LHPP: variants seen among roughly 807,000 people sequenced by gnomAD.
LHPP encodes the protein phospholysine phosphohistidine inorganic pyrophosphate phosphatase, also known as hLHPP.
A neutral mutation model predicts 30.3 loss-of-function variants in LHPP; 24 were observed. That is an observed-to-expected ratio of 0.79 (90% confidence interval 0.57 to 1.11). The LOEUF (loss-of-function observed/expected upper bound fraction) is 1.11. Among genes scored for constraint, LHPP ranks in the 50% most tolerant of loss-of-function variants. The pLI is 0.00. For missense variants in LHPP, 356 were observed against 367.2 expected, an observed-to-expected ratio of 0.97 and a Z score of 0.25; for synonymous variants, 150 against 157.1, an observed-to-expected ratio of 0.95 and a Z score of 0.34.
At chr10:124,492,768 ACCTGG>A (rs1169319822) in intron 3 of LHPP, among the ~76,000 whole-genome samples, 4 of 152,204 alleles carry the variant, frequency 2.6e-5, no homozygotes, top group African/African-American at 9.6e-5. Context: ...AAGCCACAGA[ACCTGG>A]CCTCTTAACT....
intron 5 of LHPP, among the ~76,000 whole-genome samples, chr10:124,516,428 G>C (rs1954456350): frequency 6.6e-6 from 1 of 152,198 alleles, no homozygotes; most frequent in South Asian, 2.1e-4. Context: ...TGAATTTGTG[G>C]GGGACACACT....
At chr10:124,469,956 A>T (rs995892689) in intron 1 of LHPP, among the ~76,000 whole-genome samples, 1 of 152,160 alleles carries the variant, frequency 6.6e-6, no homozygotes, top group African/African-American at 2.4e-5. Flanking sequence ...AGCATCCCAG[A>T]TGAAGGAGCA....
At chr10:124,505,847 C>T (rs116541555) in intron 5 of LHPP, among the ~76,000 whole-genome samples, 117 of 152,260 alleles carry the variant, frequency 7.7e-4, no homozygotes, top group African/African-American at 2.7e-3. Flanking sequence ...ATGTGACAGC[C>T]AAGAACCCTC....
intron 6 of LHPP, among the ~76,000 whole-genome samples, chr10:124,579,536 T>C (rs1361828674): frequency 2.0e-5 from 3 of 152,230 alleles, no homozygotes; most frequent in African/African-American, 4.8e-5. Flanking sequence ...TTCCAGTTTT[T>C]TTCATGATCA....
intron 6 of LHPP, among the ~76,000 whole-genome samples, chr10:124,598,236 C>T (rs549539858): frequency 2.6e-5 from 4 of 152,356 alleles, no homozygotes; most frequent in East Asian, 3.9e-4. Flanking sequence ...ATGAGAGGAG[C>T]GTCCCATCAG....
intron 6 of LHPP, among the ~76,000 whole-genome samples, chr10:124,553,679 T>C (rs1288561083): frequency 1.3e-5 from 2 of 152,140 alleles, no homozygotes; most frequent in African/African-American, 4.8e-5. Context: ...CAGGATGGTC[T>C]CGATCTCCTG....
chr10:124,580,865 C>T (rs1442851701), intron 6 of LHPP, among the ~76,000 whole-genome samples: 2 of 152,010 alleles, frequency 1.3e-5, no homozygotes, highest in Non-Finnish European at 2.9e-5. Flanking sequence ...ATTACAGGCA[C>T]CCGCCACCAC....
chr10:124,550,679 T>G (rs1014325594), intron 6 of LHPP, among the ~76,000 whole-genome samples: 1 of 152,174 alleles, frequency 6.6e-6, no homozygotes. Context: ...GCCTTTTCCC[T>G]ACCTTGGCTG....
In LHPP at chr10:124,465,049, A is replaced by C. The variant is rs369711711; in HGVS notation, c.125+3062A>C. On this transcript the variant is annotated intron_variant, in intron 1 of 6. Transcript: ENST00000368842. ...GCACACGGGTAAAGCGCATCATCAC[A>C]GGTAGGCCTAAGGGGTGTGAAGACG... Among the ~76,000 whole-genome samples the C allele has an allele frequency of 1.3e-4, 20 of 152,278 alleles. 1 individual carries two copies. In the East Asian group the frequency reaches 3.1e-3, roughly 24 times the overall value.
intron 6 of LHPP, among the ~76,000 whole-genome samples, chr10:124,584,881 G>T (rs1460236637): frequency 6.8e-6 from 1 of 146,612 alleles, no homozygotes; most frequent in East Asian, 2.0e-4. Flanking sequence ...AGCAACAGTG[G>T]AAAATTCCAC....
intron 6 of LHPP, among the ~76,000 whole-genome samples, chr10:124,568,484 G>A (rs1948529926): frequency 6.6e-6 from 1 of 152,196 alleles, no homozygotes; most frequent in Admixed American, 6.5e-5. Flanking sequence ...CCCCTTTCGA[G>A]TCTGGCTGCT....
intron 6 of LHPP, among the ~76,000 whole-genome samples, chr10:124,597,044 A>T (rs925911388): frequency 6.6e-6 from 1 of 152,124 alleles, no homozygotes; most frequent in Admixed American, 6.5e-5. Context: ...TCTGGCTTTC[A>T]TCCGTCTCCC....
At chr10:124,529,267 C>T (rs1037784698) in intron 6 of LHPP, among the ~76,000 whole-genome samples, 1 of 151,960 alleles carries the variant, frequency 6.6e-6, no homozygotes, top group African/African-American at 2.4e-5. Context: ...AATCTCCTGA[C>T]CTCGTGATCT....
intron 6 of LHPP, among the ~76,000 whole-genome samples, chr10:124,602,227 C>T (rs1200670371): frequency 6.6e-6 from 1 of 152,226 alleles, no homozygotes; most frequent in Non-Finnish European, 1.5e-5. Context: ...CCACTTCTGG[C>T]TGTGACTTTG....
rs1268360233 is a variant in LHPP at position 124,523,183 on chromosome 10, T to A, written c.716+5912T>A. Among the ~76,000 whole-genome samples the A allele has an allele frequency of 6.6e-6, 1 of 152,250 alleles. No individual in the cohort carries two copies. The highest frequency in any genetic ancestry group is 2.4e-5 in the African/African-American group (1 of 41,478). The stretch of plus-strand genomic sequence containing the variant: ...TTACCCAAGGCTGGCAGATGTTTTA[T>A]AAGCCCCGAACGTTCTTGACAAACA... On this transcript the variant is annotated intron_variant, in intron 6 of 6. Coordinates refer to ENST00000368842, the MANE Select transcript of LHPP (RefSeq NM_022126.4). This position sits in a 1 kb window ranked among gnomAD's most constrained non-coding sequence, Gnocchi z 4.2.
chr10:124,469,525 C>T (rs764699811), intron 1 of LHPP, among the ~76,000 whole-genome samples: 4 of 151,984 alleles, frequency 2.6e-5, no homozygotes, highest in South Asian at 4.2e-4. Context: ...GGGGCTTCCT[C>T]TTTTCAAAGT....
intron 6 of LHPP, among the ~76,000 whole-genome samples, chr10:124,520,084 C>T (rs564030597): frequency 1.7e-4 from 26 of 152,186 alleles, no homozygotes; most frequent in African/African-American, 6.3e-4. Context: ...CTGCCCACCT[C>T]GGCCTCCCAA....
At chr10:124,606,170 G>A (rs1475225120) in intron 6 of LHPP, among the ~76,000 whole-genome samples, 1 of 152,152 alleles carries the variant, frequency 6.6e-6, no homozygotes. Flanking sequence ...GCAGGCGCCT[G>A]GGGAAATCAC....
chr10:124,553,850 T>A, intron 6 of LHPP: 1 of 980,862 alleles, frequency 1.0e-6, no homozygotes. Context: ...CCCTCCTCTG[T>A]CTGCAGAAGG....
Sources: allele counts gnomAD v4.1 joint callset (sites outside exome capture counted in the v4.1 genomes callset), GRCh38; gene constraint gnomAD v4.1.1; non-coding constraint Gnocchi (gnomAD v3.1); transcripts MANE v1.5; gene names NCBI Gene and HGNC (gene_info 2026-07-23, HGNC 2026-07-21).